The following SPIDR variants were observed in gnomAD, a reference collection of about 807,000 sequenced individuals.
SPIDR encodes the protein DNA repair-scaffolding protein.
Under a neutral mutation model 104.6 loss-of-function variants are expected in SPIDR, and 93 were observed. That is an observed-to-expected ratio of 0.89 (90% CI 0.75 to 1.06). The LOEUF (loss-of-function observed/expected upper bound fraction) is 1.06. SPIDR is among the 50% of genes least tolerant of loss of function. The pLI, the probability that SPIDR is intolerant of heterozygous loss-of-function variation, is 0.00. For missense variants in SPIDR, 1,154 were observed against 1,111.2 expected (o/e 1.04, Z -0.55); for synonymous variants, 431 against 416.9 (o/e 1.03, Z -0.41).
At chr8:47,277,631 C>A (rs1390793099) in intron 1 of SPIDR, among the ~76,000 whole-genome samples, 1 of 149,068 alleles carries the variant, frequency 6.7e-6, no homozygotes, top group Non-Finnish European at 1.5e-5. Context: ...GCTGGGATTA[C>A]AGGTGTGACC....
intron 8 of SPIDR, among the ~76,000 whole-genome samples, chr8:47,449,212 G>A (rs1554704137): frequency 6.6e-6 from 1 of 152,180 alleles, no homozygotes; most frequent in African/African-American, 2.4e-5. Flanking sequence ...TAGGAAACAA[G>A]GAAGACAACT....
intron 8 of SPIDR, among the ~76,000 whole-genome samples, chr8:47,505,390 G>A (rs555386348): frequency 3.3e-5 from 5 of 152,194 alleles, no homozygotes; most frequent in South Asian, 2.1e-4. Flanking sequence ...TCAGACTGCT[G>A]TGCTAGCAAT....
intron 1 of SPIDR, among the ~76,000 whole-genome samples, chr8:47,261,917 A>G (rs1314140779): frequency 1.3e-5 from 2 of 152,252 alleles, no homozygotes; most frequent in Non-Finnish European, 2.9e-5. Flanking sequence ...GGAAATATAT[A>G]AATTTGCTAA....
At chr8:47,494,379 T>C (rs2079144042) in intron 8 of SPIDR, among the ~76,000 whole-genome samples, 1 of 151,920 alleles carries the variant, frequency 6.6e-6, no homozygotes. Flanking sequence ...AGCCTTGACC[T>C]CCCCAGGCTC....
At chr8:47,588,994 G>A (rs1217776330) in intron 8 of SPIDR, among the ~76,000 whole-genome samples, 1 of 108,604 alleles carries the variant, frequency 9.2e-6, no homozygotes, top group Non-Finnish European at 2.0e-5. Context: ...TTGTATCTGT[G>A]TTATTGAGGT....
chr8:47,410,795 G>A (rs1554670749), intron 7 of SPIDR, among the ~76,000 whole-genome samples: 2 of 152,008 alleles, frequency 1.3e-5, no homozygotes, highest in Admixed American at 6.6e-5. Context: ...ATCTCCTAAT[G>A]TTATCCCTCC....
chr8:47,305,498 G>T (rs1177183264), intron 5 of SPIDR, among the ~76,000 whole-genome samples: 1 of 152,092 alleles, frequency 6.6e-6, no homozygotes, highest in Non-Finnish European at 1.5e-5. Flanking sequence ...AAATGATTCA[G>T]TAACTCATAG....
At chr8:47,459,082 T>G (rs1326047270) in intron 8 of SPIDR, among the ~76,000 whole-genome samples, 1 of 151,968 alleles carries the variant, frequency 6.6e-6, no homozygotes, top group Admixed American at 6.6e-5. Flanking sequence ...TTCATCAGGG[T>G]TATTGGTCTG....
intron 14 of SPIDR, among the ~76,000 whole-genome samples, chr8:47,708,975 CTTT>C (rs763678779): frequency 1.4e-5 from 2 of 140,800 alleles, no homozygotes; most frequent in African/African-American, 2.6e-5. Context: ...AGTAAGAAGA[CTTT>C]TTTTTTTTTT....
At chr8:47,714,109 GAGGCTGGTGGGCCCACC>G (rs974581255) in intron 16 of SPIDR, among the ~76,000 whole-genome samples, 28 of 152,092 alleles carry the variant, frequency 1.8e-4, no homozygotes, top group African/African-American at 6.0e-4. Flanking sequence ...GGACCAAGCT[GAGGCTGGTGGGCCCACC>G]AGGCTGGTGG....
intron 14 of SPIDR, among the ~76,000 whole-genome samples, chr8:47,704,505 G>A (rs1012817161): frequency 2.6e-5 from 4 of 152,018 alleles, no homozygotes; most frequent in Admixed American, 2.6e-4. Flanking sequence ...CAGTTACCTG[G>A]TGCCCTGGGG....
At chr8:47,567,373 C>A (rs1192395476) in intron 8 of SPIDR, among the ~76,000 whole-genome samples, 1 of 151,972 alleles carries the variant, frequency 6.6e-6, no homozygotes, top group Admixed American at 6.6e-5. Context: ...CCATGCGCCA[C>A]CACGCCCGGC....
chr8:47,409,687 C>T (rs1033085896), intron 7 of SPIDR, among the ~76,000 whole-genome samples: 1 of 152,198 alleles, frequency 6.6e-6, no homozygotes, highest in Non-Finnish European at 1.5e-5. Context: ...TTATATTACA[C>T]ATTTCTTTAG....
intron 8 of SPIDR, among the ~76,000 whole-genome samples, chr8:47,585,483 C>T (rs2060165139): frequency 6.6e-6 from 1 of 152,002 alleles, no homozygotes; most frequent in Non-Finnish European, 1.5e-5. Context: ...CAAAATAATA[C>T]AGACAGATCA....
At chr8:47,688,039 G>GTGTGTGTA (rs1715942083) in intron 11 of SPIDR, among the ~76,000 whole-genome samples, 2 of 151,854 alleles carry the variant, frequency 1.3e-5, no homozygotes, top group Non-Finnish European at 2.9e-5. Context: ...GTGTGTGTGT[G>GTGTGTGTA]TGTGTGCATG....
chr8:47,688,098 G>C (rs1474683375), intron 11 of SPIDR, among the ~76,000 whole-genome samples: 2 of 151,026 alleles, frequency 1.3e-5, no homozygotes, highest in East Asian at 3.9e-4. Flanking sequence ...CATCATGCTT[G>C]TGCATTCTTT....
intron 1 of SPIDR, among the ~76,000 whole-genome samples, chr8:47,274,008 C>T (rs1337008108): frequency 6.6e-6 from 1 of 152,078 alleles, no homozygotes; most frequent in South Asian, 2.1e-4. Flanking sequence ...TGCTAAGTGA[C>T]CCCATTCTCA....
intron 8 of SPIDR, among the ~76,000 whole-genome samples, chr8:47,591,847 C>G (rs2061048360): frequency 6.6e-6 from 1 of 151,666 alleles, no homozygotes; most frequent in African/African-American, 2.4e-5. Context: ...CCTTCATTCA[C>G]AGTGCTTTAT....
chr8:47,271,158 TTC>T (rs1211032318), intron 1 of SPIDR, among the ~76,000 whole-genome samples: 4 of 152,334 alleles, frequency 2.6e-5, no homozygotes, highest in South Asian at 2.1e-4. Context: ...TCATAGTTTT[TTC>T]TCTGTTTTTC....
Sources: gnomAD v4.1 joint callset for allele counts (sites outside exome capture counted in the v4.1 genomes callset) on GRCh38, gnomAD v4.1.1 for gene constraint, MANE v1.5 for transcripts, NCBI Gene and HGNC (gene_info 2026-07-23, HGNC 2026-07-21) for gene names.